NKTR: variants seen among roughly 807,000 people sequenced by gnomAD.
The protein encoded by NKTR is NK-tumor recognition protein.
In NKTR, 67 loss-of-function variants were observed where a neutral mutation model predicts 156.3. That is an observed-to-expected ratio of 0.43 (90% confidence interval 0.35 to 0.53). The LOEUF (loss-of-function observed/expected upper bound fraction) is 0.53. Among genes scored for constraint, NKTR ranks in the 20% least tolerant of loss-of-function variants. The pLI, the probability that NKTR is intolerant of heterozygous loss-of-function variation, is 0.01. For synonymous variants in NKTR, 640 were observed against 596.6 expected (o/e 1.07, Z -1.06); for missense variants, 1,604 against 1,730.9 (o/e 0.93, Z 1.30).
At chr3:42,601,353 A>G in intron 2 of NKTR, 1 of 287,160 alleles carries the variant, frequency 3.5e-6, no homozygotes, top group Non-Finnish European at 6.5e-6. Flanking sequence ...TTCTTTGAGG[A>G]CTTTTTCTCT....
rs186406298 is a variant in NKTR, at chr3:42,624,806, C to G, written c.374+3290C>G. On this transcript the variant is annotated intron_variant, in intron 6 of 16. Transcript: ENST00000232978. ...TGACATTTGGGGAAACATTCTTTCC[C>G]CTTTTGCTGTTACTGATAGCTTATT... is the stretch of plus-strand genomic sequence containing the variant. 1.8e-3 allele frequency among the ~76,000 whole-genome samples: 267 copies of G among 152,088 alleles called. 1 individual carries two copies. The highest frequency in any genetic ancestry group is 3.0e-3 in the Non-Finnish European group (203 of 67,986).
At chr3:42,606,846 TA>T (rs950700478) in intron 2 of NKTR, among the ~76,000 whole-genome samples, 26 of 147,024 alleles carry the variant, frequency 1.8e-4, no homozygotes, top group East Asian at 5.9e-4. Flanking sequence ...ACACTATCCC[TA>T]AAAAAAAAAA....
At chr3:42,644,045 C>T (rs768864821) in intron 16 of NKTR, 42 bp downstream of exon 16, 9 of 1,312,990 alleles carry the variant, frequency 6.9e-6, no homozygotes, top group Middle Eastern at 3.8e-4. Flanking sequence ...CACTGTAGGC[C>T]ACGGTGGGCA....
Position 42,619,764 on chromosome 3 carries a change from G to T in NKTR, c.286+56G>T. On this transcript the variant is annotated intron_variant, in intron 5 of 16. Coordinates refer to ENST00000232978, the MANE Select transcript of NKTR (RefSeq NM_005385.4). ...TCAGTTCTGATATTAAAGCAAGTTT[G>T]ATCATATACTTTTAATGAGAAGAGG... The T allele has an allele frequency of 1.9e-6, 3 of 1,596,148 alleles. No homozygotes were observed. In the South Asian group the frequency reaches 3.4e-5, roughly 18 times the overall value.
Position 42,635,208 on chromosome 3 carries a change from T to C in NKTR, c.1018-13T>C, listed in dbSNP as rs770821047. On this transcript the variant is annotated splice_polypyrimidine_tract_variant and intron_variant, in intron 11 of 16. Transcript: ENST00000232978. ...AGGCATTTTTTAAAATACTATTGTT[T>C]TTGTTTTTAAAGCGCTATCACACAC... 1.1e-5 allele frequency: 18 copies of C among 1,605,796 alleles called. No individual in the cohort carries two copies.
chr3:42,627,392 G>A (rs1053685289), intron 6 of NKTR: 9 of 985,148 alleles, frequency 9.1e-6, no homozygotes, highest in Non-Finnish European at 1.2e-6. Flanking sequence ...GGTTAATCCT[G>A]GGAACTATAT....
At chr3:42,628,077 A>G in intron 6 of NKTR, 1 of 985,040 alleles carries the variant, frequency 1.0e-6, no homozygotes, top group Non-Finnish European at 1.2e-6. Flanking sequence ...TGGGATTTCT[A>G]CTCCTGGAAT....
At position 42,646,197 on chromosome 3, in the gene NKTR, G is replaced by A. The variant is rs999831940; in HGVS notation, c.*222G>A. On this transcript the variant is annotated 3_prime_UTR_variant, in exon 17 of 17. Transcript: ENST00000232978. ...CCACATTTTACAGTAGCCAACTATG[G>A]AAATGAATTTCATTTTCTTGAATCA... 1.8e-5 allele frequency: 7 copies of A among 378,522 alleles called. No homozygotes were observed. The highest frequency in any genetic ancestry group is 1.2e-4 in the African/African-American group (6 of 48,522). The allele number at this position is 378,522 out of a possible 1,614,324, so 23.4% of individuals were successfully genotyped here. A position where few individuals can be genotyped will look rare whatever the true frequency, so the allele number is the denominator to read the frequency against.
In NKTR at chr3:42,633,732, A is replaced by G; in HGVS notation, c.926A>G (p.Glu309Gly). ...RDMPVVTAEP[E>G]PKIPDVAPIV... ...ATGCCTGTTGTTACTGCAGAACCTG[A>G]ACCGTAAGTAGGATGACTAAACTAT... The change falls in exon 10 of 17, where the codon GAA (glutamate) becomes GGA (glycine). Residue 309 changes from glutamate (E) to glycine (G), a missense_variant. Transcript: ENST00000232978. The G allele has an allele frequency of 6.2e-7, 1 of 1,613,898 alleles. No individual in the cohort carries two copies. The highest frequency in any genetic ancestry group is 1.1e-5 in the South Asian group (1 of 91,026).
Position 42,630,530 on chromosome 3 carries a change from GATGTTTATTA to G in NKTR, c.375-15_375-6del. 1.2e-6 allele frequency: 2 copies of G among 1,613,308 alleles called. No individual in the cohort carries two copies. The highest frequency in any genetic ancestry group is 1.7e-6 in the Non-Finnish European group (2 of 1,179,616). The stretch of plus-strand genomic sequence containing the variant: ...TCGTGTTTGACATCATCTTTGTGTT[GATGTTTATTA>G]CATAGTACCACAAAGCCTGCTCCAC... On this transcript the variant is annotated splice_region_variant and splice_polypyrimidine_tract_variant and intron_variant, in intron 6 of 16. Transcript: ENST00000232978.
chr3:42,639,323 A>G lies in NKTR; in HGVS notation c.3619A>G (p.Ser1207Gly), dbSNP rs774957418. 1.5e-5 allele frequency: 24 copies of G among 1,614,046 alleles called. No individual in the cohort carries two copies. The highest frequency in any genetic ancestry group is 1.9e-5 in the Non-Finnish European group (23 of 1,180,024). ...TGCTAGCTTGGCTAGTGCTGGAGAA[A>G]GTACCGGGAAGAAGGAGGTGGCTGA... The part of the protein sequence containing the change: ...SSASLASAGE[S>G]TGKKEVAEKS... Residue 1207 changes from serine (S) to glycine (G), a missense_variant, in exon 13 of 17, where the codon AGT becomes GGT. Ser to Gly is a moderately conservative substitution (Grantham distance 56). Transcript: ENST00000232978.
chr3:42,629,537 T>A (rs1006057202), intron 6 of NKTR: 70 of 984,064 alleles, frequency 7.1e-5, no homozygotes, highest in Non-Finnish European at 8.3e-5. Context: ...AATACAGAAA[T>A]TTATATGGCA....
intron 7 of NKTR, chr3:42,630,834 TC>T (rs1708828049): frequency 7.5e-7 from 1 of 1,334,496 alleles, no homozygotes; most frequent in Non-Finnish European, 9.5e-7. Context: ...TCTTCAGTTT[TC>T]CAAAATGGGT....
In NKTR at chr3:42,628,428, G is replaced by A. The variant is rs986759008; in HGVS notation, c.375-2118G>A. Reference sequence around the variant, plus strand: ...GTCTCAAGTAGTATGTTGCTGCATCGCTACACTACTCTGGAATGTTTTATT... The same window carrying A: ...GTCTCAAGTAGTATGTTGCTGCATCACTACACTACTCTGGAATGTTTTATT... On this transcript the variant is annotated intron_variant, in intron 6 of 16. Coordinates refer to ENST00000232978, the MANE Select transcript of NKTR (RefSeq NM_005385.4). 16 of 985,176 alleles carry A rather than the reference G, an allele frequency of 1.6e-5. No homozygotes were observed. The South Asian group carries it at 4.7e-4, about 29-fold the overall frequency. The allele number at this position is 985,176 out of a possible 1,614,324, so 61.0% of individuals were successfully genotyped here.
intron 11 of NKTR, chr3:42,634,982 A>G (rs1256786494): frequency 4.4e-6 from 2 of 452,248 alleles, no homozygotes; most frequent in African/African-American, 4.1e-5. Flanking sequence ...TTACAGGTGA[A>G]TCTCAGCCTT....
At chr3:42,619,632 C>A in intron 4 of NKTR, 32 bp from the exon 5 acceptor site, 1 of 1,602,658 alleles carries the variant, frequency 6.2e-7, no homozygotes, top group South Asian at 1.1e-5. Context: ...TTTTAATGTT[C>A]ATTATGGCTT....
At chr3:42,642,711 G>A (rs1709998012) in intron 14 of NKTR, 115 bp downstream of exon 14, 1 of 724,814 alleles carries the variant, frequency 1.4e-6, no homozygotes, top group Non-Finnish European at 2.5e-6. Context: ...ATATACTACT[G>A]GCCTATTTTC....
chr3:42,643,877 G>T, intron 15 of NKTR, 25 bp from the exon 16 acceptor site: 8 of 1,547,148 alleles, frequency 5.2e-6, no homozygotes, highest in Non-Finnish European at 7.1e-6. Context: ...GGAAAATTTA[G>T]TGTTTGTTGT....
intron 2 of NKTR, among the ~76,000 whole-genome samples, chr3:42,612,983 A>G (rs1226667109): frequency 1.3e-5 from 2 of 152,120 alleles, no homozygotes; most frequent in African/African-American, 4.8e-5. Context: ...AGTATTTTGT[A>G]AATCTGTCTT....
Sources: gnomAD v4.1 joint callset for allele counts (sites outside exome capture counted in the v4.1 genomes callset) on GRCh38, gnomAD v4.1.1 for gene constraint, MANE v1.5 for transcripts, NCBI Gene and HGNC (gene_info 2026-07-23, HGNC 2026-07-21) for gene names.